Variants in ATP1A3 observed in about 807,000 individuals in gnomAD.
The protein encoded by ATP1A3 is sodium/potassium-transporting ATPase subunit alpha-3.
Under a neutral mutation model 108.8 loss-of-function variants are expected in ATP1A3, and 12 were observed. The ratio of observed to expected loss-of-function variants is 0.11; its 90% CI spans 0.07 to 0.18. ATP1A3 has a LOEUF of 0.18. ATP1A3 is among the 10% of genes least tolerant of loss of function. The pLI is 1.00. For synonymous variants in ATP1A3, 539 were observed against 564.5 expected (o/e 0.95, Z 0.64); for missense variants, 498 against 1,387.7 (o/e 0.36, Z 10.19).
At position 41,981,698 on chromosome 19, in the gene ATP1A3, G is replaced by A; in HGVS notation, c.1302+24C>T. 1 of 1,614,190 alleles carries A rather than the reference G, an allele frequency of 6.2e-7. No individual in the cohort carries two copies. Among genetic ancestry groups the A allele is most frequent in the Non-Finnish European group, 8.5e-7 (1 of 1,180,012 alleles). On this transcript the variant is annotated intron_variant, in intron 10 of 22. Transcript: ENST00000648268. This position sits in a 1 kb window ranked among gnomAD's most constrained non-coding sequence, Gnocchi z 5.0. ...GAGGGGAGGACACAGGCAGGGCCGAGGTGAGGCCAGTAGCTGAACCCACCT... is the reference window on the plus strand; with the variant it reads ...GAGGGGAGGACACAGGCAGGGCCGAAGTGAGGCCAGTAGCTGAACCCACCT...
rs2145944590 is a variant in ATP1A3, at chr19:41,968,831, T to C, written c.2773A>G (p.Ile925Val). ...SIVVVQWADL[I>V]ICKTRRNSVF... is the part of the protein sequence containing the mutation. ...GAGTTCCTCCGGGTCTTGCAGATGATCAGATCGGCCCACTGGACGACAACG... is the reference window on the plus strand; with the variant it reads ...GAGTTCCTCCGGGTCTTGCAGATGACCAGATCGGCCCACTGGACGACAACG... Residue 925 changes from isoleucine (I) to valine (V), a missense_variant, in exon 20 of 23, where the codon ATC becomes GTC. Ile to Val is a conservative substitution (Grantham distance 29). Coordinates refer to ENST00000648268, the MANE Select transcript of ATP1A3 (RefSeq NM_152296.5). This position sits in a 1 kb window ranked among gnomAD's most constrained non-coding sequence, Gnocchi z 5.0. 3.1e-6 allele frequency: 5 copies of C among 1,614,058 alleles called. No individual in the cohort carries two copies. The highest frequency in any genetic ancestry group is 4.2e-6 in the Non-Finnish European group (5 of 1,179,966).
Position 41,966,705 on chromosome 19 carries a change from G to A in ATP1A3, c.*232C>T. 2 of 1,537,866 alleles carry A rather than the reference G, an allele frequency of 1.3e-6. No individual in the cohort carries two copies. Among genetic ancestry groups the A allele is most frequent in the Non-Finnish European group, 1.8e-6 (2 of 1,139,092 alleles). Reference sequence around the variant, plus strand: ...TGGGGCGGGAGGAATGGATAGAGGGGTGAGGAGAGGGAGAGAAACTGACAC... The same window carrying A: ...TGGGGCGGGAGGAATGGATAGAGGGATGAGGAGAGGGAGAGAAACTGACAC... On this transcript the variant is annotated 3_prime_UTR_variant, in exon 23 of 23. Transcript: ENST00000648268.
At chr19:41,970,721 T>C (rs1310663621) in intron 16 of ATP1A3, among the ~76,000 whole-genome samples, 179 bp from the exon 17 acceptor site, 2 of 136,624 alleles carry the variant, frequency 1.5e-5, no homozygotes, top group African/African-American at 5.6e-5. Flanking sequence ...AGGCTCCGCC[T>C]CCCGGGTTCA....
chr19:41,972,861 A>AAGGAAGGAAG (rs1555860230), intron 16 of ATP1A3, among the ~76,000 whole-genome samples: 7 of 51,134 alleles, frequency 1.4e-4, no homozygotes, highest in African/African-American at 3.9e-4. Flanking sequence ...AAGGAAGGAA[A>AAGGAAGGAAG]GAAGGAAGGA....
intron 16 of ATP1A3, among the ~76,000 whole-genome samples, chr19:41,971,410 AAGAGAGGAGGACTGTTTATGCCCAGCG>A (rs2075108463): frequency 6.6e-6 from 1 of 152,090 alleles, no homozygotes; most frequent in Non-Finnish European, 1.5e-5. Context: ...TTATACCCAA[AAGAGAGGAGGACTGTTTATGCCCAGCG>A]AAAAGCAAGT....
chr19:41,971,763 C>G (rs1247325956), intron 16 of ATP1A3, among the ~76,000 whole-genome samples: 2 of 152,016 alleles, frequency 1.3e-5, no homozygotes, highest in African/African-American at 4.8e-5. Flanking sequence ...CAGACAAAAC[C>G]TAAATGGGGG....
intron 1 of ATP1A3, among the ~76,000 whole-genome samples, chr19:41,992,204 A>C (rs2075346872): frequency 6.6e-6 from 1 of 151,940 alleles, no homozygotes; most frequent in Non-Finnish European, 1.5e-5. Context: ...GGACCCTGGG[A>C]CTCCTGGCTC....
chr19:41,978,424 C>T lies in ATP1A3; in HGVS notation c.1631-98G>A, dbSNP rs2075195505. On this transcript the variant is annotated intron_variant, in intron 12 of 22. Transcript: ENST00000648268. This position sits in a 1 kb window ranked among gnomAD's most constrained non-coding sequence, Gnocchi z 8.3. ...CATCGCCCGCATTCCATCTCCCCAT[C>T]AGCAAGACGGCCAGTCAGCATTCAT... is the stretch of plus-strand genomic sequence containing the variant. 4 of 1,494,844 alleles carry T rather than the reference C, an allele frequency of 2.7e-6. No individual in the cohort carries two copies. The highest frequency in any genetic ancestry group is 2.8e-5 in the African/African-American group (2 of 72,278). The allele number at this position is 1,494,844 out of a possible 1,614,324, so 92.6% of individuals were successfully genotyped here. A position where few individuals can be genotyped will look rare whatever the true frequency, so the allele number is the denominator to read the frequency against.
Position 41,981,445 on chromosome 19 carries a change from A to ACAGG in ATP1A3, c.1437+53_1437+56dup. The ACAGG allele has an allele frequency of 6.2e-7, 1 of 1,613,232 alleles. No homozygotes were observed. Among genetic ancestry groups the ACAGG allele is most frequent in the Admixed American group, 1.7e-5 (1 of 60,016 alleles). The stretch of plus-strand genomic sequence containing the variant: ...AATCAAGGCTCTATGACACCTCTTT[A>ACAGG]CAGGCGTCATAAGGAACCTGAGGTC... On this transcript the variant is annotated intron_variant, in intron 11 of 22. Transcript: ENST00000648268. The surrounding 1 kb of genome is among the most constrained non-coding windows in gnomAD (Gnocchi z 5.0).
rs2145977662 is a variant in ATP1A3, at chr19:41,984,921, G to A, written c.990C>T (p.Val330=). The change falls in exon 8 of 23, where the codon GTC becomes GTT. Residue 330 remains valine, a synonymous_variant. Transcript: ENST00000648268. ...ANVPEGLLAT[V]TVCLTLTAKR... The stretch of plus-strand genomic sequence containing the variant: ...AGACCCAGGAGCCTGGCCTTACAGT[G>A]ACAGTGGCCAGCAGACCCTCTGGGA... The A allele has an allele frequency of 6.2e-7, 1 of 1,612,636 alleles. No individual in the cohort carries two copies. The highest frequency in any genetic ancestry group is 8.5e-7 in the Non-Finnish European group (1 of 1,179,380).
rs1432202246 is a variant in ATP1A3, at chr19:41,994,163, G to C, written c.-87C>G. Reference sequence around the variant, plus strand: ...GCTCAGGCTTGGGCTGGGAGCCTCTGCAGCGCCCGCGCCTCGGTAGGTGCG... The same window carrying C: ...GCTCAGGCTTGGGCTGGGAGCCTCTCCAGCGCCCGCGCCTCGGTAGGTGCG... On this transcript the variant is annotated 5_prime_UTR_variant, in exon 1 of 23. Coordinates refer to ENST00000648268, the MANE Select transcript of ATP1A3 (RefSeq NM_152296.5). The C allele has an allele frequency of 4.6e-5, 61 of 1,322,442 alleles. No individual in the cohort carries two copies. Among genetic ancestry groups the C allele is most frequent in the Non-Finnish European group, 5.9e-5 (59 of 995,548 alleles). The allele number at this position is 1,322,442 out of a possible 1,614,324, so 81.9% of individuals were successfully genotyped here.
At position 41,970,429 on chromosome 19, in the gene ATP1A3, C is replaced by T; in HGVS notation, c.2377G>A (p.Gly793Ser). Residue 793 changes from glycine (G) to serine (S), a missense_variant, in exon 17 of 23, where the codon GGC (glycine) becomes AGC (serine). Physicochemically the swap from Gly to Ser is moderately conservative, Grantham distance 56. Coordinates refer to ENST00000648268, the MANE Select transcript of ATP1A3 (RefSeq NM_152296.5). ...FIMANIPLPL[G>S]TITILCIDLG... ...TCGATGCAGAGGATGGTGATGGTGCCCAGGGGCAGCGGGATGTTGGCCATG... is the reference window on the plus strand; with the variant it reads ...TCGATGCAGAGGATGGTGATGGTGCTCAGGGGCAGCGGGATGTTGGCCATG... 1 of 1,614,038 alleles carries T rather than the reference C, an allele frequency of 6.2e-7. No individual in the cohort carries two copies. Among genetic ancestry groups the T allele is most frequent in the Non-Finnish European group, 8.5e-7 (1 of 1,179,988 alleles).
chr19:41,966,987 GAA>G (rs1382935354), intron 22 of ATP1A3, 22 bp from the exon 23 acceptor site: 2 of 1,551,502 alleles, frequency 1.3e-6, no homozygotes, highest in African/African-American at 2.7e-5. Context: ...AAGAAGGAAA[GAA>G]AGAGACAGAG....
intron 8 of ATP1A3, among the ~76,000 whole-genome samples, chr19:41,982,732 A>G (rs2075247300): frequency 6.6e-6 from 1 of 152,198 alleles, no homozygotes; most frequent in Non-Finnish European, 1.5e-5. Flanking sequence ...AAACAAATAC[A>G]TTACTGCTGC....
At position 41,988,331 on chromosome 19, in the gene ATP1A3, G is replaced by A; in HGVS notation, c.140C>T (p.Thr47Ile). 6.2e-7 allele frequency: 1 copy of A among 1,614,172 alleles called. No homozygotes were observed. Among genetic ancestry groups the A allele is most frequent in the Non-Finnish European group, 8.5e-7 (1 of 1,180,014 alleles). Residue 47 changes from threonine to isoleucine, a missense_variant, in exon 3 of 23, where the codon ACA becomes ATA. By Grantham distance (89) the Thr-to-Ile change is moderately conservative. Coordinates refer to ENST00000648268, the MANE Select transcript of ATP1A3 (RefSeq NM_152296.5). This position sits in a 1 kb window ranked among gnomAD's most constrained non-coding sequence, Gnocchi z 5.3. Reference sequence around the variant, plus strand: ...GCCTGGCCACACCTGCACACAGTCTGTGTTGTATTTCCGGCAGACCTCTTC... The same window carrying A: ...GCCTGGCCACACCTGCACACAGTCTATGTTGTATTTCCGGCAGACCTCTTC... ...SVEEVCRKYN[T>I]DCVQGLTHSK...
rs772022012 is a variant in ATP1A3, at chr19:41,966,678, G to C, written c.*259C>G. On this transcript the variant is annotated 3_prime_UTR_variant, in exon 23 of 23. Transcript: ENST00000648268. ...GAGTAAAAAAGAGCCCAGGGAGGTG[G>C]CTGGGGCGGGAGGAATGGATAGAGG... 1.3e-6 allele frequency: 2 copies of C among 1,532,604 alleles called. No individual in the cohort carries two copies. Among genetic ancestry groups the C allele is most frequent in the African/African-American group, 2.8e-5 (2 of 72,640 alleles). 94.9% of individuals were successfully genotyped at this position (1,532,604 alleles called of 1,614,324 possible).
intron 1 of ATP1A3, chr19:41,993,378 A>C: frequency 6.5e-7 from 1 of 1,535,122 alleles, no homozygotes; most frequent in African/African-American, 1.4e-5. Flanking sequence ...TCAGCTGTGC[A>C]CTCAGTCTCC....
chr19:41,971,789 T>C (rs1367044777), intron 16 of ATP1A3, among the ~76,000 whole-genome samples: 1 of 152,154 alleles, frequency 6.6e-6, no homozygotes, highest in African/African-American at 2.4e-5. Context: ...AATGGTTTTC[T>C]ATCTTGACTG....
At position 41,970,288 on chromosome 19, in the gene ATP1A3, C is replaced by A. The variant is rs189555627; in HGVS notation, c.2439G>T (p.Ala813=). Residue 813 remains alanine, a synonymous_variant, in exon 18 of 23, where the codon GCG becomes GCT. Coordinates refer to ENST00000648268, the MANE Select transcript of ATP1A3 (RefSeq NM_152296.5). ...TGATGTCGCTTTCGGCAGCCTCGTA[C>A]GCCAGTGAGATGGCAGGGACCTAGG... ...GTDMVPAISL[A]YEAAESDIMK... is the part of the protein sequence containing the mutation. 2.5e-6 allele frequency: 4 copies of A among 1,614,012 alleles called. No individual in the cohort carries two copies. The highest frequency in any genetic ancestry group is 1.7e-6 in the Non-Finnish European group (2 of 1,180,044).
Sources: gnomAD v4.1 joint callset for allele counts (sites outside exome capture counted in the v4.1 genomes callset) on GRCh38, gnomAD v4.1.1 for gene constraint, Gnocchi (gnomAD v3.1) non-coding constraint, MANE v1.5 for transcripts, NCBI Gene and HGNC (gene_info 2026-07-23, HGNC 2026-07-21) for gene names.